Variants in ST6GALNAC5 observed in about 807,000 individuals in gnomAD.
The protein encoded by ST6GALNAC5 is alpha-N-acetylgalactosaminide alpha-2,6-sialyltransferase 5.
A neutral mutation model predicts 33.6 loss-of-function variants in ST6GALNAC5; 27 were observed. That is an observed-to-expected ratio of 0.80 (90% CI 0.59 to 1.11). ST6GALNAC5 has a LOEUF of 1.11. Among genes scored for constraint, ST6GALNAC5 ranks in the 50% least tolerant of loss-of-function variants. ST6GALNAC5 has a pLI of 0.00. For missense variants in ST6GALNAC5, 428 were observed against 454.0 expected, an observed-to-expected ratio of 0.94 and a Z score of 0.52; for synonymous variants, 194 against 171.2, an observed-to-expected ratio of 1.13 and a Z score of -1.04.
chr1:76,997,028 T>C (rs1649964634), intron 2 of ST6GALNAC5, among the ~76,000 whole-genome samples: 1 of 152,110 alleles, frequency 6.6e-6, no homozygotes, highest in Non-Finnish European at 1.5e-5. Context: ...GAAAAGTAAA[T>C]GGTTGATTGG....
intron 4 of ST6GALNAC5, among the ~76,000 whole-genome samples, chr1:77,060,933 A>C (rs1297435168): frequency 1.3e-5 from 2 of 152,196 alleles, no homozygotes; most frequent in Non-Finnish European, 2.9e-5. Context: ...GGCAACATGA[A>C]ATTGGCATGG....
chr1:76,913,729 C>G (rs1157767664), intron 2 of ST6GALNAC5, among the ~76,000 whole-genome samples: 1 of 152,146 alleles, frequency 6.6e-6, no homozygotes, highest in Non-Finnish European at 1.5e-5. Flanking sequence ...AACCCACAGG[C>G]AATATCATAC....
chr1:76,867,630 C>G lies in ST6GALNAC5; in HGVS notation c.-46C>G. 1 of 1,614,158 alleles carries G rather than the reference C, an allele frequency of 6.2e-7. No homozygotes were observed. Among genetic ancestry groups the G allele is most frequent in the East Asian group, 2.2e-5 (1 of 44,864 alleles). Reference sequence around the variant, plus strand: ...TGGAAACCCTCCAGGAAAAAGTGGCCCCGGACGCGCGAGCCTGAGGATTCT... The same window carrying G: ...TGGAAACCCTCCAGGAAAAAGTGGCGCCGGACGCGCGAGCCTGAGGATTCT... On this transcript the variant is annotated 5_prime_UTR_variant, in exon 1 of 5. Coordinates refer to ENST00000477717, the MANE Select transcript of ST6GALNAC5 (RefSeq NM_030965.3).
intron 2 of ST6GALNAC5, among the ~76,000 whole-genome samples, chr1:76,974,773 C>CTTT (rs60357939): frequency 0.11 from 4,004 of 35,188 alleles, 1,077 homozygotes; most frequent in African/African-American, 0.17. Flanking sequence ...TTCTTTCTTT[C>CTTT]TTTTTTTTTT....
In ST6GALNAC5 at chr1:77,057,662, G is replaced by C. The variant is rs577250659; in HGVS notation, c.780-5313G>C. On this transcript the variant is annotated intron_variant, in intron 4 of 4. Coordinates refer to ENST00000477717, the MANE Select transcript of ST6GALNAC5 (RefSeq NM_030965.3). ...GGGTACCTCTGGAATGAAAGTTTAT[G>C]ACCTGCTTTAGACGAGGGCAAAGAA... Among the ~76,000 whole-genome samples, 4 of 152,280 alleles carry C rather than the reference G, an allele frequency of 2.6e-5. No individual in the cohort carries two copies. The East Asian group carries it at 5.8e-4, about 22-fold the overall frequency.
intron 2 of ST6GALNAC5, among the ~76,000 whole-genome samples, chr1:76,884,700 G>C (rs999691779): frequency 6.6e-6 from 1 of 152,092 alleles, no homozygotes; most frequent in African/African-American, 2.4e-5. Flanking sequence ...ATTTTGACTG[G>C]GTTCCAGAAA....
chr1:76,879,578 A>G (rs948436945), intron 2 of ST6GALNAC5, among the ~76,000 whole-genome samples: 4 of 152,212 alleles, frequency 2.6e-5, no homozygotes, highest in Non-Finnish European at 4.4e-5. Context: ...TTACAGGTCT[A>G]GAAGCAAACA....
At chr1:76,989,626 T>G (rs1256814707) in intron 2 of ST6GALNAC5, among the ~76,000 whole-genome samples, 2 of 152,202 alleles carry the variant, frequency 1.3e-5, no homozygotes, top group Non-Finnish European at 2.9e-5. Context: ...AGGGCTTTCT[T>G]GAGGCAGGAC....
intron 2 of ST6GALNAC5, among the ~76,000 whole-genome samples, chr1:76,967,307 C>T (rs1363204303): frequency 6.6e-6 from 1 of 152,154 alleles, no homozygotes; most frequent in Non-Finnish European, 1.5e-5. Context: ...GATTCAACTT[C>T]TTCCTGGTTT....
At chr1:76,969,117 A>T (rs544117160) in intron 2 of ST6GALNAC5, among the ~76,000 whole-genome samples, 3 of 152,332 alleles carry the variant, frequency 2.0e-5, no homozygotes, top group Non-Finnish European at 4.4e-5. Context: ...CAGAACACGC[A>T]TGATTACTGC....
intron 2 of ST6GALNAC5, among the ~76,000 whole-genome samples, chr1:76,940,920 T>A (rs1285895765): frequency 6.6e-6 from 1 of 152,096 alleles, no homozygotes; most frequent in African/African-American, 2.4e-5. Flanking sequence ...TAGTCATAAC[T>A]GGTTTCTTTA....
chr1:76,955,323 G>T (rs1647914484), intron 2 of ST6GALNAC5, among the ~76,000 whole-genome samples: 1 of 152,072 alleles, frequency 6.6e-6, no homozygotes, highest in Non-Finnish European at 1.5e-5. Context: ...AATCTGAATT[G>T]GATGTGCTTC....
intron 2 of ST6GALNAC5, among the ~76,000 whole-genome samples, chr1:76,914,874 C>A (rs1302936408): frequency 6.6e-6 from 1 of 152,166 alleles, no homozygotes; most frequent in African/African-American, 2.4e-5. Flanking sequence ...TTCTGCACAG[C>A]AAAAGAAACT....
At chr1:76,871,399 T>C (rs1345151917) in intron 2 of ST6GALNAC5, 2 of 152,202 alleles carry the variant, frequency 1.3e-5, no homozygotes, top group Non-Finnish European at 2.9e-5. Context: ...GTTACAGATA[T>C]TATTTAGGAA....
chr1:76,946,813 A>G (rs1647533842), intron 2 of ST6GALNAC5, among the ~76,000 whole-genome samples: 1 of 152,196 alleles, frequency 6.6e-6, no homozygotes, highest in African/African-American at 2.4e-5. Context: ...ATTTTTATAC[A>G]TGTAACTGAC....
At chr1:77,024,436 T>C (rs1172329436) in intron 2 of ST6GALNAC5, among the ~76,000 whole-genome samples, 1 of 152,166 alleles carries the variant, frequency 6.6e-6, no homozygotes, top group Non-Finnish European at 1.5e-5. Flanking sequence ...ACTCAGAATC[T>C]TGCTACTGGT....
intron 2 of ST6GALNAC5, among the ~76,000 whole-genome samples, chr1:76,981,899 A>T (rs2100381886): frequency 6.6e-6 from 1 of 152,342 alleles, no homozygotes; most frequent in Non-Finnish European, 1.5e-5. Context: ...GCAAACTCCA[A>T]CAGACCTGCA....
chr1:76,915,002 AC>A (rs1646954958), intron 2 of ST6GALNAC5, among the ~76,000 whole-genome samples: 1 of 151,248 alleles, frequency 6.6e-6, no homozygotes, highest in Non-Finnish European at 1.5e-5. Flanking sequence ...CAAGAAAAAA[AC>A]AAACAACCCC....
chr1:76,923,564 G>T (rs1481816080), intron 2 of ST6GALNAC5, among the ~76,000 whole-genome samples: 1 of 151,962 alleles, frequency 6.6e-6, no homozygotes, highest in African/African-American at 2.4e-5. Flanking sequence ...GTGGCGGCAG[G>T]TAGCTGTAAT....
Sources: gnomAD v4.1 joint callset for allele counts (sites outside exome capture counted in the v4.1 genomes callset) on GRCh38, gnomAD v4.1.1 for gene constraint, MANE v1.5 for transcripts, NCBI Gene and HGNC (gene_info 2026-07-23, HGNC 2026-07-21) for gene names.